The following NLRP7 variants were observed in gnomAD, a reference collection of about 807,000 sequenced individuals.
The protein encoded by NLRP7 is NLR family pyrin domain containing 7.
Under a neutral mutation model 85.5 loss-of-function variants are expected in NLRP7, and 72 were observed. That is an observed-to-expected ratio of 0.84 (90% CI 0.70 to 1.02). The LOEUF is 1.02. Ranked by LOEUF, NLRP7 falls within the 50% of genes least tolerant of loss-of-function variation. The pLI is 0.00. For missense variants in NLRP7, 1,243 were observed against 1,219.5 expected (o/e 1.02, Z -0.29); for synonymous variants, 550 against 505.2 (o/e 1.09, Z -1.19).
chr19:54,923,934 GA>G, intron 9 of NLRP7, 62 bp from the exon 11 acceptor site: 1 of 1,559,128 alleles, frequency 6.4e-7, no homozygotes, highest in Non-Finnish European at 8.8e-7. Flanking sequence ...CAGGATGCCT[GA>G]ATATCTGTTT....
At chr19:54,939,647 G>T in exon 4 of NLRP7, 7 of 1,611,806 alleles carry the variant, frequency 4.3e-6, no homozygotes, top group Non-Finnish European at 5.9e-6. Flanking sequence ...GAACAGCCCC[G>T]TGCGGGTGAG....
rs759000955 is a variant in NLRP7, at chr19:54,936,307, G to C, written c.2254C>G (p.Leu752Val). 1.9e-6 allele frequency: 3 copies of C among 1,613,946 alleles called. No homozygotes were observed. The South Asian group carries it at 3.3e-5, about 18-fold the overall frequency. ...TTATGATTTCTGAGCAGGTCACACA[G>C]CATCAGCATCATCGTGCGTTCCCAC... is the stretch of plus-strand genomic sequence containing the variant. Residue 752 changes from leucine to valine, a missense_variant, in exon 6 of 10, where the codon CTG (leucine) becomes GTG (valine). This residue lies in a region of NLRP7 where 613 missense variants were observed against 588.4 expected (regional missense o/e 1.04). Transcript: ENST00000340844.
intron 1 of NLRP7, among the ~76,000 whole-genome samples, chr19:54,965,601 G>A (rs1232572944): frequency 2.4e-5 from 1 of 42,500 alleles, no homozygotes; most frequent in Non-Finnish European, 4.6e-5. Context: ...GACTACAGGC[G>A]CCCGCCACCA....
chr19:54,961,918 G>A (rs1227315883), intron 1 of NLRP7, among the ~76,000 whole-genome samples: 2 of 151,674 alleles, frequency 1.3e-5, no homozygotes, highest in African/African-American at 4.8e-5. Context: ...CAGAACTTTG[G>A]GAGGCTGAGG....
At chr19:54,935,671 G>A (rs2068886994) in intron 6 of NLRP7, among the ~76,000 whole-genome samples, 1 of 147,442 alleles carries the variant, frequency 6.8e-6, no homozygotes, top group Non-Finnish European at 1.5e-5. Context: ...CAGCCTGGGT[G>A]ACAAGAATAA....
At chr19:54,951,877 A>G (rs1278748106), upstream of NLRP7, among the ~76,000 whole-genome samples, 4 of 151,864 alleles carry the variant, frequency 2.6e-5, no homozygotes, top group Non-Finnish European at 4.4e-5. Flanking sequence ...CAGCCTCCCG[A>G]ATAGCTGGGA....
At chr19:54,937,941 A>G in intron 5 of NLRP7, 103 bp downstream of exon 5, 1 of 860,110 alleles carries the variant, frequency 1.2e-6, no homozygotes, top group Non-Finnish European at 1.9e-6. Flanking sequence ...AAAATCCCCA[A>G]ATACATGGAG....
chr19:54,952,462 C>T (rs1328195987), upstream of NLRP7, among the ~76,000 whole-genome samples: 1 of 151,826 alleles, frequency 6.6e-6, no homozygotes, highest in African/African-American at 2.4e-5. Context: ...GGCGTGGTAG[C>T]GGGTGCCTGT....
chr19:54,950,799 CTT>C (rs776500217), upstream of NLRP7, among the ~76,000 whole-genome samples: 10 of 152,186 alleles, frequency 6.6e-5, no homozygotes, highest in Non-Finnish European at 1.5e-4. Context: ...GTTCCTTCCT[CTT>C]TTACTAATCC....
chr19:54,964,457 C>T (rs2070234832), intron 1 of NLRP7, among the ~76,000 whole-genome samples: 1 of 151,560 alleles, frequency 6.6e-6, no homozygotes, highest in African/African-American at 2.4e-5. Flanking sequence ...ACCTCGTGAT[C>T]CACCTGCCTC....
At chr19:54,941,127 G>T in intron 2 of NLRP7, 122 bp from the exon 3 acceptor site, 1 of 804,840 alleles carries the variant, frequency 1.2e-6, no homozygotes, top group Non-Finnish European at 2.2e-6. Flanking sequence ...ACTTTGGAAG[G>T]CTGAGGTGGG....
intron 9 of NLRP7, among the ~76,000 whole-genome samples, chr19:54,925,379 G>T (rs1366472512): frequency 6.6e-6 from 1 of 152,152 alleles, no homozygotes; most frequent in Non-Finnish European, 1.5e-5. Flanking sequence ...TATTTGAACT[G>T]CAGACGTGTG....
At chr19:54,930,688 A>C (rs1261317174) in intron 8 of NLRP7, 22 bp from the exon 9 acceptor site, 1 of 1,610,196 alleles carries the variant, frequency 6.2e-7, no homozygotes, top group Admixed American at 1.7e-5. Flanking sequence ...TCAAAGGAAG[A>C]GAAGCCTGTT....
At chr19:54,964,281 A>G (rs1323770206) in intron 1 of NLRP7, among the ~76,000 whole-genome samples, 1 of 115,712 alleles carries the variant, frequency 8.6e-6, no homozygotes, top group African/African-American at 3.5e-5. Context: ...CAGTGGCGCG[A>G]TCTCGGCTCA....
chr19:54,953,520 G>T (rs907178403), intron 1 of NLRP7, among the ~76,000 whole-genome samples: 4 of 152,032 alleles, frequency 2.6e-5, no homozygotes, highest in African/African-American at 9.7e-5. Flanking sequence ...AGGGTGTGGC[G>T]CCGGGCTGTC....
chr19:54,929,054 T>C (rs916371344), intron 9 of NLRP7, among the ~76,000 whole-genome samples: 3 of 152,134 alleles, frequency 2.0e-5, no homozygotes, highest in African/African-American at 4.8e-5. Context: ...GCTTGAAATA[T>C]TCCTCAGGGG....
intron 1 of NLRP7, among the ~76,000 whole-genome samples, chr19:54,955,704 G>A (rs928971961): frequency 4.6e-5 from 7 of 151,040 alleles, no homozygotes; most frequent in South Asian, 4.2e-4. Context: ...GGAGAATGAC[G>A]TGAATCCCGG....
chr19:54,936,574 C>T, intron 5 of NLRP7, 143 bp from the exon 6 acceptor site: 1 of 750,558 alleles, frequency 1.3e-6, no homozygotes. Flanking sequence ...GTAACCCCAG[C>T]ACTTTGGGAG....
At chr19:54,933,835 C>T in intron 7 of NLRP7, 96 bp from the exon 8 acceptor site, 1 of 1,087,442 alleles carries the variant, frequency 9.2e-7, no homozygotes, top group Non-Finnish European at 1.4e-6. Flanking sequence ...TCAGCTTCAG[C>T]CCTTCCTGTT....
Sources: allele counts gnomAD v4.1 joint callset (sites outside exome capture counted in the v4.1 genomes callset), GRCh38; gene constraint gnomAD v4.1.1; regional missense constraint gnomAD v4.1.1; transcripts MANE v1.5; gene names NCBI Gene and HGNC (gene_info 2026-07-23, HGNC 2026-07-21).